Variants in GRID2 observed in about 807,000 individuals in gnomAD.
The protein encoded by GRID2 is glutamate ionotropic receptor delta type subunit 2.
Under a neutral mutation model 114.8 loss-of-function variants are expected in GRID2, and 33 were observed. That is an observed-to-expected ratio of 0.29 (90% CI 0.22 to 0.38). The LOEUF is 0.38. Ranked by LOEUF, GRID2 falls within the 10% of genes least tolerant of loss-of-function variation. The pLI is 1.00. For synonymous variants in GRID2, 505 were observed against 449.9 expected, an observed-to-expected ratio of 1.12 and a Z score of -1.55; for missense variants, 1,184 against 1,257.7, an observed-to-expected ratio of 0.94 and a Z score of 0.89.
At chr4:92,759,093 C>T (rs1560575865) in intron 2 of GRID2, among the ~76,000 whole-genome samples, 1 of 152,058 alleles carries the variant, frequency 6.6e-6, no homozygotes, top group Admixed American at 6.6e-5. Context: ...ACTCTAGGGA[C>T]GGGATTCTAG....
intron 13 of GRID2, among the ~76,000 whole-genome samples, chr4:93,588,813 T>A (rs895317346): frequency 2.8e-4 from 43 of 152,012 alleles, no homozygotes; most frequent in African/African-American, 1.0e-3. Context: ...GTAATGTGGA[T>A]TTTTTTTATT....
At chr4:92,803,624 G>C (rs548146019) in intron 2 of GRID2, among the ~76,000 whole-genome samples, 1 of 152,028 alleles carries the variant, frequency 6.6e-6, no homozygotes, top group East Asian at 2.0e-4. Context: ...TTTAAGTTCA[G>C]TGAAAAGATT....
chr4:92,460,071 G>GTTCTGT (rs1477218941), intron 1 of GRID2, among the ~76,000 whole-genome samples: 1 of 36,124 alleles, frequency 2.8e-5, no homozygotes, highest in Admixed American at 3.2e-4. Context: ...CAACTTTTTG[G>GTTCTGT]TTCTGTTTCT....
chr4:93,311,486 T>TA (rs1407593367), intron 8 of GRID2, among the ~76,000 whole-genome samples: 1 of 152,106 alleles, frequency 6.6e-6, no homozygotes, highest in African/African-American at 2.4e-5. Flanking sequence ...AGATTAGCCT[T>TA]TGGAATTCTC....
At chr4:92,974,319 C>T (rs1392866658) in intron 2 of GRID2, among the ~76,000 whole-genome samples, 1 of 152,088 alleles carries the variant, frequency 6.6e-6, no homozygotes, top group Non-Finnish European at 1.5e-5. Flanking sequence ...CCATTTGACC[C>T]AGCAATCCCA....
chr4:93,732,084 A>G (rs1478390095), intron 14 of GRID2, among the ~76,000 whole-genome samples: 3 of 152,188 alleles, frequency 2.0e-5, no homozygotes, highest in Non-Finnish European at 2.9e-5. Flanking sequence ...CAGCTATTCT[A>G]AAGAGGCAAA....
chr4:92,959,908 G>GA (rs1373633028), intron 2 of GRID2, among the ~76,000 whole-genome samples: 2 of 151,876 alleles, frequency 1.3e-5, no homozygotes, highest in African/African-American at 4.8e-5. Flanking sequence ...TAATGTAGAT[G>GA]ATGGGTTGAT....
At chr4:92,416,380 T>C (rs529893022) in intron 1 of GRID2, among the ~76,000 whole-genome samples, 9 of 152,292 alleles carry the variant, frequency 5.9e-5, no homozygotes, top group African/African-American at 1.9e-4. Flanking sequence ...TAATTATTTC[T>C]TTTGCTGTAC....
chr4:92,816,113 C>T lies in GRID2; in HGVS notation c.244+225827C>T, dbSNP rs1470335882. Among the ~76,000 whole-genome samples, 8 of 151,022 alleles carry T rather than the reference C, an allele frequency of 5.3e-5. No individual in the cohort carries two copies. In the South Asian group the frequency reaches 8.3e-4, roughly 16 times the overall value. On this transcript the variant is annotated intron_variant, in intron 2 of 15. Coordinates refer to ENST00000282020, the MANE Select transcript of GRID2 (RefSeq NM_001510.4). ...GGTGGATCACCTGAGGTCCGGAGTT[C>T]GAGATCAGCCTAGGCAACATGGTGA...
At chr4:92,537,799 GT>G (rs1220990139) in intron 1 of GRID2, among the ~76,000 whole-genome samples, 1 of 142,930 alleles carries the variant, frequency 7.0e-6, no homozygotes, top group African/African-American at 2.9e-5. Flanking sequence ...GTGTGTGTGT[GT>G]GTGTGTGTGT....
At chr4:93,397,307 G>T (rs1273336672) in intron 9 of GRID2, among the ~76,000 whole-genome samples, 2 of 151,822 alleles carry the variant, frequency 1.3e-5, no homozygotes, top group Admixed American at 1.3e-4. Flanking sequence ...ATTCGCTTCT[G>T]TATGTACCTA....
At chr4:93,037,449 T>C (rs1025134044) in intron 2 of GRID2, among the ~76,000 whole-genome samples, 2 of 152,170 alleles carry the variant, frequency 1.3e-5, no homozygotes, top group Admixed American at 1.3e-4. Flanking sequence ...TTTAATCAGA[T>C]CCCATTTATC....
intron 2 of GRID2, among the ~76,000 whole-genome samples, chr4:92,818,553 G>T (rs1053333039): frequency 5.3e-5 from 8 of 152,100 alleles, no homozygotes; most frequent in Non-Finnish European, 1.0e-4. Context: ...GCTTGGAAAT[G>T]ATCTTGCTCG....
intron 8 of GRID2, among the ~76,000 whole-genome samples, chr4:93,380,117 T>C (rs1039850275): frequency 6.6e-6 from 1 of 152,082 alleles, no homozygotes; most frequent in Non-Finnish European, 1.5e-5. Flanking sequence ...CAGATATAAT[T>C]GTAAAGAATT....
chr4:92,937,970 A>C (rs2149530294), intron 2 of GRID2, among the ~76,000 whole-genome samples: 1 of 147,042 alleles, frequency 6.8e-6, no homozygotes, highest in Middle Eastern at 3.5e-3. Context: ...ATATGATGGT[A>C]GCTGTGGGTT....
chr4:93,099,498 AC>A (rs1193106961), intron 3 of GRID2, among the ~76,000 whole-genome samples: 2 of 151,794 alleles, frequency 1.3e-5, no homozygotes, highest in Non-Finnish European at 2.9e-5. Flanking sequence ...AAAATCAGAG[AC>A]CTAGATATGC....
At chr4:92,653,007 CATAT>C (rs1258703817) in intron 2 of GRID2, among the ~76,000 whole-genome samples, 9 of 121,598 alleles carry the variant, frequency 7.4e-5, no homozygotes, top group Non-Finnish European at 1.2e-4. Flanking sequence ...TATATAAATA[CATAT>C]ATATACTTTT....
chr4:93,395,607 C>A lies in GRID2; in HGVS notation c.1246C>A (p.Leu416Ile), dbSNP rs765486654. 4 of 1,454,054 alleles carry A rather than the reference C, an allele frequency of 2.8e-6. No homozygotes were observed. In the South Asian group the frequency reaches 4.6e-5, roughly 17 times the overall value. 90.1% of individuals were successfully genotyped at this position (1,454,054 alleles called of 1,614,324 possible). Residue 416 changes from leucine (L) to isoleucine (I), a missense_variant and splice_region_variant, in exon 9 of 16, where the codon CTT (leucine) becomes ATT (isoleucine). Leu to Ile is a conservative substitution (Grantham distance 5). This residue lies in a region of GRID2 where 717 missense variants were observed against 796.9 expected (regional missense o/e 0.90). Transcript: ENST00000282020. Reference sequence around the variant, plus strand: ...TGACCAAAGTTGTCTTATCTTTCAGCTTGGTTGCTGGAATCCTGTCACAGG... The same window carrying A: ...TGACCAAAGTTGTCTTATCTTTCAGATTGGTTGCTGGAATCCTGTCACAGG... ...GEELGRGVRKLGCWNPVTGLN... is the reference protein window; with the variant it reads ...GEELGRGVRKIGCWNPVTGLN...
intron 2 of GRID2, among the ~76,000 whole-genome samples, chr4:92,984,923 T>C (rs1256711487): frequency 6.6e-6 from 1 of 152,120 alleles, no homozygotes; most frequent in African/African-American, 2.4e-5. Context: ...CTCTCACTGC[T>C]TCTTGGTAGG....
Sources: gnomAD v4.1 joint callset for allele counts (sites outside exome capture counted in the v4.1 genomes callset) on GRCh38, gnomAD v4.1.1 for gene constraint, gnomAD v4.1.1 regional missense constraint, MANE v1.5 for transcripts, NCBI Gene and HGNC (gene_info 2026-07-23, HGNC 2026-07-21) for gene names.